The following PARD3 variants were observed in gnomAD, a reference collection of about 807,000 sequenced individuals.
PARD3 encodes the protein partitioning defective 3 homolog.
A neutral mutation model predicts 155.4 loss-of-function variants in PARD3; 75 were observed. The ratio of observed to expected loss-of-function variants is 0.48; its 90% confidence interval spans 0.40 to 0.58. PARD3 has a LOEUF of 0.58. Ranked by LOEUF, PARD3 falls within the 20% of genes least tolerant of loss-of-function variation. The probability of loss-of-function intolerance (pLI) is 0.00; values close to 1 mark genes in which losing one functional copy is unlikely to be tolerated. For missense variants in PARD3, 1,642 were observed against 1,721.7 expected (o/e 0.95, Z 0.82); for synonymous variants, 576 against 610.5 (o/e 0.94, Z 0.83).
intron 2 of PARD3, among the ~76,000 whole-genome samples, chr10:34,657,878 G>A (rs2093218863): frequency 6.6e-6 from 1 of 151,880 alleles, no homozygotes; most frequent in South Asian, 2.1e-4. Context: ...CAGGCGCGGT[G>A]GCTCACGCCT....
At chr10:34,281,446 C>T (rs1000955545) in intron 21 of PARD3, among the ~76,000 whole-genome samples, 1 of 152,136 alleles carries the variant, frequency 6.6e-6, no homozygotes, top group Admixed American at 6.5e-5. Context: ...GAAGACCATA[C>T]TCATGGAGGC....
At chr10:34,442,565 TA>T (rs199726994) in intron 5 of PARD3, among the ~76,000 whole-genome samples, 1 of 150,964 alleles carries the variant, frequency 6.6e-6, no homozygotes, top group Admixed American at 6.6e-5. Context: ...TCACATTCGT[TA>T]AAAAAAAAGA....
At chr10:34,671,684 T>C (rs542054632) in intron 2 of PARD3, among the ~76,000 whole-genome samples, 19 of 152,290 alleles carry the variant, frequency 1.2e-4, no homozygotes, top group East Asian at 9.7e-4. Flanking sequence ...AATAAGATTA[T>C]ATGTATTTCC....
At chr10:34,261,866 G>A (rs1399538099) in intron 22 of PARD3, among the ~76,000 whole-genome samples, 1 of 150,434 alleles carries the variant, frequency 6.6e-6, no homozygotes, top group Admixed American at 6.6e-5. Context: ...TGGACAGAAT[G>A]CAGTTTAGGA....
At chr10:34,621,675 TAC>T (rs1420754168) in intron 2 of PARD3, among the ~76,000 whole-genome samples, 1 of 152,232 alleles carries the variant, frequency 6.6e-6, no homozygotes, top group Non-Finnish European at 1.5e-5. Flanking sequence ...ATTTACACAC[TAC>T]ACTTTCTAAA....
chr10:34,798,328 C>G (rs1842501370), intron 1 of PARD3, among the ~76,000 whole-genome samples: 1 of 150,984 alleles, frequency 6.6e-6, no homozygotes, highest in South Asian at 2.1e-4. Context: ...AGTGCAAAAC[C>G]CTGTCCCGTG....
At chr10:34,737,983 G>C (rs984120020) in intron 1 of PARD3, among the ~76,000 whole-genome samples, 3 of 152,302 alleles carry the variant, frequency 2.0e-5, no homozygotes, top group East Asian at 3.9e-4. Flanking sequence ...GAGGAAGAAG[G>C]CAACAGCAGA....
intron 5 of PARD3, among the ~76,000 whole-genome samples, chr10:34,449,814 T>TA (rs1343465582): frequency 6.6e-6 from 1 of 152,160 alleles, no homozygotes; most frequent in Non-Finnish European, 1.5e-5. Context: ...CTGATAAACC[T>TA]AAAATAGGTC....
chr10:34,283,580 G>A (rs1277806229), intron 21 of PARD3, among the ~76,000 whole-genome samples: 1 of 152,054 alleles, frequency 6.6e-6, no homozygotes, highest in Non-Finnish European at 1.5e-5. Flanking sequence ...AATCTATCCG[G>A]AAGACATGGA....
intron 2 of PARD3, among the ~76,000 whole-genome samples, chr10:34,657,707 T>A (rs1383892708): frequency 6.6e-6 from 1 of 152,074 alleles, no homozygotes; most frequent in Non-Finnish European, 1.5e-5. Flanking sequence ...CCTGGCTAAT[T>A]TTTGTATTTT....
intron 19 of PARD3, among the ~76,000 whole-genome samples, chr10:34,319,410 T>C (rs897346574): frequency 2.0e-5 from 3 of 152,174 alleles, no homozygotes; most frequent in African/African-American, 7.2e-5. Context: ...TCAGAAACGT[T>C]AGCCTTCCTC....
chr10:34,700,920 A>G (rs2094263147), intron 1 of PARD3, among the ~76,000 whole-genome samples: 1 of 152,180 alleles, frequency 6.6e-6, no homozygotes, highest in Non-Finnish European at 1.5e-5. Flanking sequence ...GGTTGCAGTG[A>G]GCTGAGATCA....
At chr10:34,364,182 A>G (rs1342864519) in intron 12 of PARD3, among the ~76,000 whole-genome samples, 1 of 152,218 alleles carries the variant, frequency 6.6e-6, no homozygotes, top group Non-Finnish European at 1.5e-5. Flanking sequence ...CAGCAGAAAA[A>G]CAATCATGGG....
chr10:34,320,876 G>A (rs1165956056), intron 19 of PARD3, among the ~76,000 whole-genome samples: 1 of 152,116 alleles, frequency 6.6e-6, no homozygotes, highest in East Asian at 1.9e-4. Flanking sequence ...AAACTCTTCT[G>A]GGGGTGTACT....
chr10:34,658,145 C>CAA (rs1165780902), intron 2 of PARD3, among the ~76,000 whole-genome samples: 3 of 101,718 alleles, frequency 2.9e-5, no homozygotes, highest in South Asian at 3.1e-4. Flanking sequence ...GACTCCGTCT[C>CAA]AAAAAAAAAA....
chr10:34,360,734 T>C (rs956123877), intron 12 of PARD3, among the ~76,000 whole-genome samples: 4 of 152,154 alleles, frequency 2.6e-5, no homozygotes, highest in African/African-American at 9.7e-5. Flanking sequence ...ATCCTGATCA[T>C]ACAAAATCAG....
intron 2 of PARD3, among the ~76,000 whole-genome samples, chr10:34,560,453 T>G (rs765699958): frequency 6.6e-6 from 1 of 151,068 alleles, no homozygotes; most frequent in African/African-American, 2.5e-5. Flanking sequence ...TGTGAAGGAC[T>G]TGATGAAAAG....
At chr10:34,494,331 T>A (rs899534722) in intron 3 of PARD3, among the ~76,000 whole-genome samples, 2 of 152,206 alleles carry the variant, frequency 1.3e-5, no homozygotes, top group East Asian at 3.9e-4. Flanking sequence ...AGGCCCAGCG[T>A]GCTAGTCATG....
At chr10:34,559,044 C>G (rs948105877) in intron 2 of PARD3, among the ~76,000 whole-genome samples, 1 of 151,566 alleles carries the variant, frequency 6.6e-6, no homozygotes, top group African/African-American at 2.4e-5. Flanking sequence ...CTCATTTTTC[C>G]CCCCCACAGA....
Sources: gnomAD v4.1 joint callset for allele counts (sites outside exome capture counted in the v4.1 genomes callset) on GRCh38, gnomAD v4.1.1 for gene constraint, MANE v1.5 for transcripts, NCBI Gene and HGNC (gene_info 2026-07-23, HGNC 2026-07-21) for gene names.